Variants in ZNF541 observed in about 807,000 individuals in gnomAD.
ZNF541 encodes the protein zinc finger protein 541.
In ZNF541, 23 loss-of-function variants were observed where a neutral mutation model predicts 123.5. The observed-to-expected ratio is 0.19, with a 90% CI of 0.13 to 0.26. ZNF541 has a LOEUF of 0.26. ZNF541 is among the 10% of genes least tolerant of loss of function. ZNF541 has a pLI of 1.00. For missense variants in ZNF541, 1,612 were observed against 1,789.9 expected (o/e 0.90, Z 1.79); for synonymous variants, 751 against 754.5 (o/e 1.00, Z 0.08).
At chr19:47,568,615 AT>A (rs1323606579) in intron 2 of ZNF541, among the ~76,000 whole-genome samples, 1 of 151,714 alleles carries the variant, frequency 6.6e-6, no homozygotes, top group Non-Finnish European at 1.5e-5. Context: ...AAGTGCTGGT[AT>A]TACAGGTGCA....
Position 47,545,056 on chromosome 19 carries a change from C to A in ZNF541, c.1473G>T (p.Ser491=), listed in dbSNP as rs1970270082. ...VPAEAPSDPR[S]ASGEDDPCAP... Reference sequence around the variant, plus strand: ...CGCAGGGGTCATCTTCCCCGCTGGCCGACCTGGGGTCGCTCGGGGCCTCCG... The same window carrying A: ...CGCAGGGGTCATCTTCCCCGCTGGCAGACCTGGGGTCGCTCGGGGCCTCCG... The change falls in exon 5 of 17, where the codon TCG becomes TCT. Residue 491 remains serine, a synonymous_variant. Transcript: ENST00000391901. The surrounding 1 kb of genome is among the most constrained non-coding windows in gnomAD (Gnocchi z 7.5). 3 of 1,478,936 alleles carry A rather than the reference C, an allele frequency of 2.0e-6. No homozygotes were observed. Among genetic ancestry groups the A allele is most frequent in the Non-Finnish European group, 1.8e-6 (2 of 1,118,418 alleles). The allele number at this position is 1,478,936 out of a possible 1,614,324, so 91.6% of individuals were successfully genotyped here.
chr19:47,531,516 T>C, intron 12 of ZNF541, 126 bp downstream of exon 12: 1 of 646,052 alleles, frequency 1.5e-6, no homozygotes, highest in South Asian at 2.3e-5. Context: ...AAAGCCGCTG[T>C]GGAGGAGGAT....
intron 14 of ZNF541, among the ~76,000 whole-genome samples, chr19:47,526,064 T>C (rs1027140676): frequency 6.6e-6 from 1 of 151,864 alleles, no homozygotes. Flanking sequence ...AATGACAAAA[T>C]TTTTCTTTAA....
intron 5 of ZNF541, 137 bp downstream of exon 5, chr19:47,543,989 C>A (rs1036534611): frequency 6.2e-5 from 73 of 1,184,732 alleles, no homozygotes; most frequent in Non-Finnish European, 8.1e-5. Flanking sequence ...AAACCACAAT[C>A]TTTCGGAACC....
At chr19:47,558,713 C>T (rs1970934251) in intron 2 of ZNF541, among the ~76,000 whole-genome samples, 2 of 150,732 alleles carry the variant, frequency 1.3e-5, no homozygotes, top group Admixed American at 6.6e-5. Context: ...CTGTCTCAGC[C>T]GGATTACAGG....
rs1176852462 is a variant in ZNF541, at chr19:47,544,261, G to T, written c.2268C>A (p.Gly756=). 1.9e-6 allele frequency: 3 copies of T among 1,551,510 alleles called. No homozygotes were observed. In the African/African-American group the frequency reaches 4.1e-5, roughly 21 times the overall value. ...LGNPRAPRFS[G]FRKEKAKMDM... ...CCATCTTCGCCTTCTCTTTCCGGAA[G>T]CCGGAGAATCGCGGGGCCCTGGGGT... Residue 756 remains glycine (G), a synonymous_variant, in exon 5 of 17, where the codon GGC becomes GGA. Transcript: ENST00000391901.
intron 1 of ZNF541, among the ~76,000 whole-genome samples, chr19:47,572,876 G>A (rs1367911260): frequency 6.6e-6 from 1 of 152,086 alleles, no homozygotes; most frequent in African/African-American, 2.4e-5. Context: ...GAGCTGTTGG[G>A]TTGCAGAAGA....
intron 2 of ZNF541, among the ~76,000 whole-genome samples, chr19:47,566,609 A>G (rs1048819437): frequency 6.6e-6 from 1 of 151,816 alleles, no homozygotes; most frequent in African/African-American, 2.4e-5. Flanking sequence ...AGCTCGGCAT[A>G]GTGGCACTCA....
chr19:47,559,355 G>A (rs974050432), intron 2 of ZNF541, among the ~76,000 whole-genome samples: 2 of 151,418 alleles, frequency 1.3e-5, no homozygotes, highest in African/African-American at 2.4e-5. Context: ...CTGGGCAACA[G>A]AGTGAAACTC....
chr19:47,525,351 C>G (rs1969238190), intron 14 of ZNF541, among the ~76,000 whole-genome samples: 3 of 150,886 alleles, frequency 2.0e-5, no homozygotes, highest in Admixed American at 2.0e-4. Context: ...CAATCAAAAT[C>G]CTAGCAGGTT....
rs186389596 is a variant in ZNF541 at position 47,527,325 on chromosome 19, T to C, written c.3570+1625A>G. The stretch of plus-strand genomic sequence containing the variant: ...TATTATACTGCAATTATGTGCAATT[T>C]TGTATACATCCAATTTTTTTTTTAG... On this transcript the variant is annotated intron_variant, in intron 14 of 16. Coordinates refer to ENST00000391901, the MANE Select transcript of ZNF541 (RefSeq NM_001277075.3). Among the ~76,000 whole-genome samples the C allele has an allele frequency of 2.0e-5, 3 of 152,278 alleles. No individual in the cohort carries two copies. The East Asian group carries it at 5.8e-4, about 29-fold the overall frequency.
At chr19:47,567,102 G>T (rs1237918389) in intron 2 of ZNF541, among the ~76,000 whole-genome samples, 1 of 151,786 alleles carries the variant, frequency 6.6e-6, no homozygotes, top group African/African-American at 2.4e-5. Flanking sequence ...AAAAATAGAT[G>T]GATAGAGCAC....
At chr19:47,569,259 A>G (rs549429932) in intron 2 of ZNF541, among the ~76,000 whole-genome samples, 1 of 152,094 alleles carries the variant, frequency 6.6e-6, no homozygotes, top group South Asian at 2.1e-4. Context: ...TGTAATAATA[A>G]TAATAATAAT....
intron 2 of ZNF541, among the ~76,000 whole-genome samples, chr19:47,562,856 A>C (rs188002784): frequency 6.6e-6 from 1 of 152,330 alleles, no homozygotes; most frequent in African/African-American, 2.4e-5. Flanking sequence ...TGGAGAGACC[A>C]CATTTTGTTT....
intron 2 of ZNF541, among the ~76,000 whole-genome samples, chr19:47,564,677 C>T (rs910683318): frequency 6.6e-6 from 1 of 152,138 alleles, no homozygotes; most frequent in Non-Finnish European, 1.5e-5. Context: ...GGCATGGATG[C>T]GGTGAACAAG....
At chr19:47,562,244 C>T (rs1568521030) in intron 2 of ZNF541, among the ~76,000 whole-genome samples, 1 of 129,952 alleles carries the variant, frequency 7.7e-6, no homozygotes, top group African/African-American at 3.0e-5. Flanking sequence ...GACTGTCTCC[C>T]CAAAAAAAAC....
In ZNF541 at chr19:47,545,181, C is replaced by T; in HGVS notation, c.1348G>A (p.Gly450Arg). The change falls in exon 5 of 17, where the codon GGA becomes AGA. Residue 450 changes from glycine to arginine, a missense_variant. By Grantham distance (125) the Gly-to-Arg change is moderately radical (BLOSUM62 -2). This residue lies in a region of ZNF541 where 1,080 missense variants were observed against 1,013.8 expected (regional missense o/e 1.07). Coordinates refer to ENST00000391901, the MANE Select transcript of ZNF541 (RefSeq NM_001277075.3). This position sits in a 1 kb window ranked among gnomAD's most constrained non-coding sequence, Gnocchi z 7.5. ...PSREGSESGP[G>R]PSSGSPSEES... ...TCCGAGGGGCTTCCGCTGCTGGGTC[C>T]CGGGCCAGACTCGGAGCCCTCCCGC... 6.6e-7 allele frequency: 1 copy of T among 1,510,612 alleles called. No individual in the cohort carries two copies. Among genetic ancestry groups the T allele is most frequent in the Non-Finnish European group, 8.9e-7 (1 of 1,127,658 alleles). 93.6% of individuals were successfully genotyped at this position (1,510,612 alleles called of 1,614,324 possible). A position where few individuals can be genotyped will look rare whatever the true frequency, so the allele number is the denominator to read the frequency against.
chr19:47,531,851 C>T, intron 11 of ZNF541, 106 bp from the exon 12 acceptor site: 2 of 1,073,176 alleles, frequency 1.9e-6, no homozygotes. Context: ...TTCCCCTTCT[C>T]TCTCCTGCAT....
intron 10 of ZNF541, 89 bp downstream of exon 10, chr19:47,532,820 C>T: frequency 7.4e-7 from 1 of 1,343,646 alleles, no homozygotes; most frequent in Non-Finnish European, 1.0e-6. Context: ...AACCTGAACC[C>T]CACCATGGGA....
Sources: allele counts gnomAD v4.1 joint callset (sites outside exome capture counted in the v4.1 genomes callset), GRCh38; gene constraint gnomAD v4.1.1; regional missense constraint gnomAD v4.1.1; non-coding constraint Gnocchi (gnomAD v3.1); transcripts MANE v1.5; gene names NCBI Gene and HGNC (gene_info 2026-07-23, HGNC 2026-07-21).